Variants in PPFIA1 observed in about 807,000 individuals in gnomAD.
PPFIA1 encodes PPFI scaffold protein A1, also known as liprin-alpha-1.
A neutral mutation model predicts 149.9 loss-of-function variants in PPFIA1; 25 were observed. The ratio of observed to expected loss-of-function variants is 0.17; its 90% CI spans 0.12 to 0.23. PPFIA1 has a LOEUF of 0.23. PPFIA1 is among the 10% of genes least tolerant of loss of function. PPFIA1 has a pLI of 1.00. For synonymous variants in PPFIA1, 549 were observed against 552.8 expected (o/e 0.99, Z 0.10); for missense variants, 1,362 against 1,506.5 (o/e 0.90, Z 1.59).
Position 70,324,438 on chromosome 11 carries a change from A to C in PPFIA1, c.301A>C (p.Arg101=), listed in dbSNP as rs1591211108. ...ACTTACTAAAGAACTCAATGTATGC[A>C]GGGAACAGCTCCTTGAAAGGGAAGA... ...AALTKELNVC[R]EQLLEREEEI... is the part of the protein sequence containing the mutation. Residue 101 remains arginine, a synonymous_variant, in exon 3 of 28, where the codon AGG becomes CGG. Transcript: ENST00000253925. 1.2e-6 allele frequency: 2 copies of C among 1,613,590 alleles called. No individual in the cohort carries two copies. Among genetic ancestry groups the C allele is most frequent in the Non-Finnish European group, 1.7e-6 (2 of 1,179,598 alleles).
Position 70,348,588 on chromosome 11 carries a change from T to G in PPFIA1, c.2163+168T>G, listed in dbSNP as rs144223468. On this transcript the variant is annotated intron_variant, in intron 16 of 27. Coordinates refer to ENST00000253925, the MANE Select transcript of PPFIA1 (RefSeq NM_003626.5). ...TCATTCAGTTATGACAAACTAATTT[T>G]AATATCTGGGGCCGGGCGTGGTGGC... Among the ~76,000 whole-genome samples the G allele has an allele frequency of 1.0e-3, 155 of 152,374 alleles. 1 individual carries two copies. The highest frequency in any genetic ancestry group is 3.2e-3 in the African/African-American group (132 of 41,592).
intron 2 of PPFIA1, among the ~76,000 whole-genome samples, chr11:70,295,942 G>A (rs1375344190): frequency 1.2e-4 from 18 of 151,206 alleles, no homozygotes; most frequent in Non-Finnish European, 1.9e-4. Context: ...GTTGCCAGGC[G>A]GAGGGTCTCC....
chr11:70,362,500 G>C lies in PPFIA1; in HGVS notation c.2865+12G>C, dbSNP rs2056711657. ...CCACATCTAGAACGGTACGTTCAGA[G>C]ACAACCCCTGCATTCTTTGGAAACA... is the stretch of plus-strand genomic sequence containing the variant. On this transcript the variant is annotated intron_variant, in intron 21 of 27. Coordinates refer to ENST00000253925, the MANE Select transcript of PPFIA1 (RefSeq NM_003626.5). 20 of 1,575,410 alleles carry C rather than the reference G, an allele frequency of 1.3e-5. No homozygotes were observed. Among genetic ancestry groups the C allele is most frequent in the Non-Finnish European group, 1.6e-5 (19 of 1,158,776 alleles).
chr11:70,284,161 T>C lies in PPFIA1; in HGVS notation c.264+11725T>C, dbSNP rs183496707. On this transcript the variant is annotated intron_variant, in intron 2 of 27. Coordinates refer to ENST00000253925, the MANE Select transcript of PPFIA1 (RefSeq NM_003626.5). ...AGGAAGAATTGGAATAAGGTAAAAC[T>C]AGCTAAATGACTCTTCCCTGAGAAT... The C allele has an allele frequency of 2.1e-5, 9 of 423,002 alleles. No homozygotes were observed. The East Asian group carries it at 5.6e-4, about 26-fold the overall frequency. The allele number at this position is 423,002 out of a possible 1,614,324, so 26.2% of individuals were successfully genotyped here. A position where few individuals can be genotyped will look rare whatever the true frequency, so the allele number is the denominator to read the frequency against.
At chr11:70,375,993 TTTTG>T (rs2057474128) in intron 24 of PPFIA1, among the ~76,000 whole-genome samples, 3 of 151,938 alleles carry the variant, frequency 2.0e-5, no homozygotes, top group African/African-American at 7.3e-5. Context: ...GGAGTTGTTT[TTTTG>T]TTTGTTTTGA....
chr11:70,294,228 C>T (rs116000610), intron 2 of PPFIA1, among the ~76,000 whole-genome samples: 1,977 of 152,056 alleles, frequency 0.013, 46 homozygotes, highest in African/African-American at 0.044. Context: ...AGGTGCGAGC[C>T]ACTGCACCTG....
intron 2 of PPFIA1, among the ~76,000 whole-genome samples, chr11:70,311,456 T>C (rs1280996067): frequency 6.6e-6 from 1 of 152,234 alleles, no homozygotes; most frequent in African/African-American, 2.4e-5. Flanking sequence ...CTGTTAACAG[T>C]ACTGCTAAGA....
chr11:70,362,525 AG>A (rs2056713111), intron 21 of PPFIA1, 37 bp downstream of exon 21: 5 of 1,538,630 alleles, frequency 3.2e-6, no homozygotes, highest in Middle Eastern at 1.8e-4. Context: ...CTTTGGAAAC[AG>A]GGAATGCCTC....
At chr11:70,322,258 G>C (rs1016697861) in intron 2 of PPFIA1, among the ~76,000 whole-genome samples, 2 of 152,144 alleles carry the variant, frequency 1.3e-5, no homozygotes, top group African/African-American at 2.4e-5. Flanking sequence ...CCTCATGTAC[G>C]AACCCCTTCA....
chr11:70,304,755 T>C (rs1396792029), intron 2 of PPFIA1, among the ~76,000 whole-genome samples: 1 of 152,180 alleles, frequency 6.6e-6, no homozygotes, highest in Non-Finnish European at 1.5e-5. Flanking sequence ...CAGAACTGCA[T>C]GGAATTAGAG....
At chr11:70,315,784 T>C (rs892442481) in intron 2 of PPFIA1, among the ~76,000 whole-genome samples, 1 of 149,738 alleles carries the variant, frequency 6.7e-6, no homozygotes, top group African/African-American at 2.4e-5. Flanking sequence ...TATATTCACA[T>C]TGTTGTGCAA....
At chr11:70,303,899 C>T (rs552189887) in intron 2 of PPFIA1, among the ~76,000 whole-genome samples, 7 of 152,032 alleles carry the variant, frequency 4.6e-5, no homozygotes, top group South Asian at 4.1e-4. Context: ...CCAGCTACTC[C>T]GGAGGCTGAG....
chr11:70,347,951 C>T (rs1051958833), intron 15 of PPFIA1, among the ~76,000 whole-genome samples: 6 of 152,028 alleles, frequency 3.9e-5, no homozygotes, highest in African/African-American at 9.7e-5. Context: ...TGCAGTGAGC[C>T]GAGATCGCGC....
In PPFIA1 at chr11:70,346,045, G is replaced by C. The variant is rs1030871310; in HGVS notation, c.1932-2144G>C. 7.2e-6 allele frequency: 3 copies of C among 418,728 alleles called. No individual in the cohort carries two copies. In the Admixed American group the frequency reaches 8.5e-5, roughly 12 times the overall value. The allele number at this position is 418,728 out of a possible 1,614,324, so 25.9% of individuals were successfully genotyped here. Reference sequence around the variant, plus strand: ...TTCTTGTCTCGTCAGTATTTTAAAGGGTTTTTCTTTAGCAACTTTAGCAGT... The same window carrying C: ...TTCTTGTCTCGTCAGTATTTTAAAGCGTTTTTCTTTAGCAACTTTAGCAGT... On this transcript the variant is annotated intron_variant, in intron 15 of 27. Transcript: ENST00000253925.
chr11:70,367,449 C>A (rs978984035), intron 21 of PPFIA1: 2 of 450,476 alleles, frequency 4.4e-6, no homozygotes, highest in Non-Finnish European at 8.9e-6. Context: ...CACCCATGGT[C>A]CCCCCGTCAT....
chr11:70,308,644 C>G lies in PPFIA1; in HGVS notation c.265-15758C>G, dbSNP rs574368919. 2.6e-5 allele frequency among the ~76,000 whole-genome samples: 4 copies of G among 152,046 alleles called. No individual in the cohort carries two copies. The Middle Eastern group carries it at 0.01, about 388-fold the overall frequency. On this transcript the variant is annotated intron_variant, in intron 2 of 27. Coordinates refer to ENST00000253925, the MANE Select transcript of PPFIA1 (RefSeq NM_003626.5). ...GTGAATATTCTTTTAAAAAATTGAT[C>G]GCAGAGGCTGGGCGCAGTGGCTCAT... is the stretch of plus-strand genomic sequence containing the variant.
chr11:70,324,158 T>G (rs2054128333), intron 2 of PPFIA1, among the ~76,000 whole-genome samples: 2 of 152,224 alleles, frequency 1.3e-5, no homozygotes. Context: ...GGATTCCCCT[T>G]CTTTCCCTGC....
At chr11:70,329,605 C>G (rs1263560075) in intron 7 of PPFIA1, among the ~76,000 whole-genome samples, 1 of 152,110 alleles carries the variant, frequency 6.6e-6, no homozygotes, top group African/African-American at 2.4e-5. Flanking sequence ...TGCCACCATG[C>G]GTGGCTAATT....
intron 23 of PPFIA1, among the ~76,000 whole-genome samples, chr11:70,372,901 A>G (rs908544197): frequency 6.6e-6 from 1 of 152,204 alleles, no homozygotes; most frequent in Non-Finnish European, 1.5e-5. Context: ...ACACTGTTAG[A>G]TAACAACAGA....
Sources: allele counts gnomAD v4.1 joint callset (sites outside exome capture counted in the v4.1 genomes callset), GRCh38; gene constraint gnomAD v4.1.1; transcripts MANE v1.5; gene names NCBI Gene and HGNC (gene_info 2026-07-23, HGNC 2026-07-21).